ME3: variants seen among roughly 807,000 people sequenced by gnomAD.
ME3 encodes the protein NADP-dependent malic enzyme, mitochondrial.
Under a neutral mutation model 68.9 loss-of-function variants are expected in ME3, and 48 were observed. The observed-to-expected ratio is 0.70, with a 90% CI of 0.55 to 0.89. The LOEUF is 0.89. Ranked by LOEUF, ME3 falls within the 40% of genes least tolerant of loss-of-function variation. The pLI is 0.00. For missense variants in ME3, 675 were observed against 797.4 expected, an observed-to-expected ratio of 0.85 and a Z score of 1.85; for synonymous variants, 320 against 318.8, an observed-to-expected ratio of 1.00 and a Z score of -0.04.
chr11:86,628,297 A>G (rs892383684), intron 2 of ME3, among the ~76,000 whole-genome samples: 3 of 152,094 alleles, frequency 2.0e-5, no homozygotes, highest in Admixed American at 1.3e-4. Context: ...CCTCCTCCCA[A>G]TACTTCGGGA....
intron 2 of ME3, among the ~76,000 whole-genome samples, chr11:86,569,343 TTTG>T (rs1957660645): frequency 6.6e-6 from 1 of 152,168 alleles, no homozygotes; most frequent in Admixed American, 6.5e-5. Context: ...GCTGTTGCGC[TTTG>T]ACTCACACCA....
intron 2 of ME3, among the ~76,000 whole-genome samples, chr11:86,560,704 A>ATG (rs71040244): frequency 0.16 from 15,989 of 98,950 alleles, 1,244 homozygotes; most frequent in South Asian, 0.27. Context: ...ATATAATGAT[A>ATG]TGTGTGTGTG....
At chr11:86,521,210 G>A (rs999321152) in intron 4 of ME3, among the ~76,000 whole-genome samples, 2 of 152,012 alleles carry the variant, frequency 1.3e-5, no homozygotes, top group African/African-American at 4.8e-5. Context: ...TGGCTAACAC[G>A]GTGAAACACT....
At chr11:86,531,868 C>T (rs1009352918) in intron 4 of ME3, among the ~76,000 whole-genome samples, 4 of 151,416 alleles carry the variant, frequency 2.6e-5, no homozygotes, top group Admixed American at 2.6e-4. Flanking sequence ...GGAGATATAC[C>T]TAATATTAAA....
intron 7 of ME3, among the ~76,000 whole-genome samples, chr11:86,469,396 A>G (rs2138773715): frequency 6.6e-6 from 1 of 152,226 alleles, no homozygotes; most frequent in South Asian, 2.1e-4. Flanking sequence ...GCTTACACAA[A>G]CTGGACCAGC....
At chr11:86,545,992 G>A (rs547079585) in intron 4 of ME3, among the ~76,000 whole-genome samples, 1 of 152,018 alleles carries the variant, frequency 6.6e-6, no homozygotes, top group Non-Finnish European at 1.5e-5. Flanking sequence ...CAGAACAGAG[G>A]CCTCAGAAAT....
At chr11:86,436,282 A>T (rs1242798228), downstream of ME3, 1 of 152,004 alleles carries the variant, frequency 6.6e-6, no homozygotes, top group African/African-American at 2.4e-5. Context: ...AACATTTTTC[A>T]TGTGCTTGTT....
At chr11:86,468,590 C>T (rs1049427522) in intron 7 of ME3, among the ~76,000 whole-genome samples, 1 of 152,206 alleles carries the variant, frequency 6.6e-6, no homozygotes, top group Admixed American at 6.5e-5. Flanking sequence ...TGGAGTTTGT[C>T]TGCCAACTCT....
At chr11:86,509,525 A>G (rs1953353301) in intron 4 of ME3, among the ~76,000 whole-genome samples, 1 of 152,230 alleles carries the variant, frequency 6.6e-6, no homozygotes, top group Non-Finnish European at 1.5e-5. Context: ...GGGATTTGCA[A>G]GTTTGCAGCT....
intron 2 of ME3, among the ~76,000 whole-genome samples, chr11:86,623,379 G>T (rs1173969933): frequency 2.6e-5 from 4 of 152,114 alleles, no homozygotes; most frequent in Admixed American, 1.3e-4. Flanking sequence ...CACACCACTG[G>T]CTTACCTGGT....
At chr11:86,581,932 T>G (rs1039256471) in intron 2 of ME3, among the ~76,000 whole-genome samples, 41 of 152,356 alleles carry the variant, frequency 2.7e-4, no homozygotes, top group African/African-American at 9.4e-4. Flanking sequence ...AAATCACACC[T>G]TGTCTGCTAT....
chr11:86,594,865 G>C lies in ME3; in HGVS notation c.184-35042C>G, dbSNP rs1398905629. Among the ~76,000 whole-genome samples the C allele has an allele frequency of 2.7e-5, 4 of 146,334 alleles. 1 individual carries two copies. Among genetic ancestry groups the C allele is most frequent in the Admixed American group, 7.3e-5 (1 of 13,714 alleles). On this transcript the variant is annotated intron_variant, in intron 2 of 14. Coordinates refer to ENST00000543262, the Ensembl canonical transcript of ME3. ...GCCCTTGAAGGTAGCAAAAAATAATGATGACAAATCAGTGCCTTGTTAGGG... is the reference window on the plus strand; with the variant it reads ...GCCCTTGAAGGTAGCAAAAAATAATCATGACAAATCAGTGCCTTGTTAGGG...
chr11:86,539,433 C>G (rs1478664219), intron 4 of ME3, among the ~76,000 whole-genome samples: 1 of 152,128 alleles, frequency 6.6e-6, no homozygotes, highest in Non-Finnish European at 1.5e-5. Flanking sequence ...CTTATATTGG[C>G]TTAGAATTGT....
At chr11:86,467,378 T>A (rs561323695) in intron 7 of ME3, among the ~76,000 whole-genome samples, 1 of 152,258 alleles carries the variant, frequency 6.6e-6, no homozygotes, top group East Asian at 1.9e-4. Flanking sequence ...CATCCAGCCC[T>A]CTTTTGCTTG....
At chr11:86,528,160 G>T (rs1256832894) in intron 4 of ME3, among the ~76,000 whole-genome samples, 4 of 152,094 alleles carry the variant, frequency 2.6e-5, no homozygotes, top group African/African-American at 9.7e-5. Flanking sequence ...GATGGAGGAA[G>T]ATCTACCAAG....
intron 10 of ME3, among the ~76,000 whole-genome samples, chr11:86,449,008 A>G (rs1487517395): frequency 2.6e-5 from 4 of 152,196 alleles, no homozygotes; most frequent in African/African-American, 9.6e-5. Flanking sequence ...TATGCTCTGG[A>G]AAGACGTAGG....
At chr11:86,468,772 T>G (rs1418570276) in intron 7 of ME3, among the ~76,000 whole-genome samples, 1 of 152,218 alleles carries the variant, frequency 6.6e-6, no homozygotes, top group Non-Finnish European at 1.5e-5. Context: ...ACATATTCAT[T>G]AAAATGCTAA....
At position 86,648,933 on chromosome 11, in the gene ME3, A is replaced by G. The variant is rs191699299; in HGVS notation, c.183+22829T>C. On this transcript the variant is annotated intron_variant, in intron 2 of 14. Transcript: ENST00000543262. ...CATTCCTTCTAAAACTATTCCAAGC[A>G]ACAGAAAAAGAAGGACTCTGCCCTG... is the stretch of plus-strand genomic sequence containing the variant. 3.1e-4 allele frequency among the ~76,000 whole-genome samples: 47 copies of G among 152,318 alleles called. 1 individual carries two copies. The highest frequency in any genetic ancestry group is 1.6e-3 in the Admixed American group (25 of 15,296).
intron 2 of ME3, among the ~76,000 whole-genome samples, chr11:86,623,118 G>C (rs1310159279): frequency 6.6e-6 from 1 of 152,190 alleles, no homozygotes; most frequent in African/African-American, 2.4e-5. Flanking sequence ...ATCTGGAAGA[G>C]ATTAGCATTT....
Sources: allele counts gnomAD v4.1 joint callset (sites outside exome capture counted in the v4.1 genomes callset), GRCh38; gene constraint gnomAD v4.1.1; transcripts MANE v1.5; gene names NCBI Gene and HGNC (gene_info 2026-07-23, HGNC 2026-07-21).